The following FANCA variants were observed in gnomAD, a reference collection of about 807,000 sequenced individuals.
FANCA encodes FA complementation group A, also known as Fanconi anemia group A protein.
A neutral mutation model predicts 194.3 loss-of-function variants in FANCA; 236 were observed. The observed-to-expected ratio is 1.21, with a 90% CI of 1.09 to 1.35. The LOEUF is 1.35. Ranked by LOEUF, FANCA falls within the 40% of genes most tolerant of loss-of-function variation. The pLI is 0.00. For synonymous variants in FANCA, 1,014 were observed against 715.8 expected, an observed-to-expected ratio of 1.42 and a Z score of -6.65; for missense variants, 2,628 against 1,813.9, an observed-to-expected ratio of 1.45 and a Z score of -8.15.
chr16:89,746,481 T>C, intron 35 of FANCA, 103 bp downstream of exon 35: 1 of 922,270 alleles, frequency 1.1e-6, no homozygotes, highest in Non-Finnish European at 1.8e-6. Flanking sequence ...TTCCCTGAGA[T>C]GGTAACACCC....
intron 14 of FANCA, among the ~76,000 whole-genome samples, chr16:89,788,512 A>T (rs979709299): frequency 6.6e-6 from 1 of 152,024 alleles, no homozygotes; most frequent in African/African-American, 2.4e-5. Flanking sequence ...AAACTCATCT[A>T]ACTATCTGGA....
chr16:89,748,862 A>C (rs2038482532), intron 32 of FANCA, 95 bp from the exon 33 acceptor site: 1 of 1,000,354 alleles, frequency 1.0e-6, no homozygotes, highest in African/African-American at 1.6e-5. Flanking sequence ...CACCACCCTG[A>C]AACCCAGGGC....
intron 31 of FANCA, among the ~76,000 whole-genome samples, chr16:89,750,656 C>G (rs911578877): frequency 6.6e-6 from 1 of 151,926 alleles, no homozygotes; most frequent in African/African-American, 2.4e-5. Flanking sequence ...GCCTGTAATC[C>G]CAGCTAATCA....
Position 89,779,886 on chromosome 16 carries a change from G to A in FANCA, c.1698C>T (p.Val566=), listed in dbSNP as rs746982822. The stretch of plus-strand genomic sequence containing the variant: ...CAGCCTACCTGGCCTCCATGACGGT[G>A]ACTGGGATGTTCCCCGTATGCTCAA... ...MVFEHTGNIP[V]TVMEASIFRR... The change falls in exon 18 of 43, where the codon GTC becomes GTT. Residue 566 remains valine (V), a synonymous_variant. Transcript: ENST00000389301. 1.2e-6 allele frequency: 2 copies of A among 1,613,898 alleles called. No homozygotes were observed. Among genetic ancestry groups the A allele is most frequent in the Non-Finnish European group, 8.5e-7 (1 of 1,180,028 alleles).
rs774795027 is a variant in FANCA, at chr16:89,769,841, G to C, written c.2500C>G (p.Leu834Val). The change falls in exon 26 of 43, where the codon CTG becomes GTG. Residue 834 changes from leucine (L) to valine (V), a missense_variant. By Grantham distance (32) the Leu-to-Val change is conservative. Transcript: ENST00000389301. The stretch of plus-strand genomic sequence containing the variant: ...GACTGTGGAAGAAGAGCTCACTTCA[G>C]GCAGAAGAACAAGGAATCCCTCGTC... ...CRTRDSLFFCLKFCTAAISYS... is the reference protein window; with the variant it reads ...CRTRDSLFFCVKFCTAAISYS... The C allele has an allele frequency of 1.9e-6, 3 of 1,613,952 alleles. No individual in the cohort carries two copies. The highest frequency in any genetic ancestry group is 4.5e-5 in the East Asian group (2 of 44,884).
intron 6 of FANCA, among the ~76,000 whole-genome samples, chr16:89,807,476 G>A (rs998870771): frequency 1.3e-5 from 2 of 151,744 alleles, no homozygotes; most frequent in African/African-American, 4.8e-5. Context: ...AAGGCCGCGC[G>A]AGGTGGCTCA....
Position 89,750,616 on chromosome 16 carries a change from T to C in FANCA, c.3067-714A>G, listed in dbSNP as rs1004566190. On this transcript the variant is annotated intron_variant, in intron 31 of 42. Transcript: ENST00000389301. ...CCAGCCTGGCCAACAAAATTAGCCA[T>C]ACAAAAATTAGCTGGGTGTGGTGGC... Among the ~76,000 whole-genome samples, 5 of 146,684 alleles carry C rather than the reference T, an allele frequency of 3.4e-5. No homozygotes were observed. The South Asian group carries it at 8.6e-4, about 25-fold the overall frequency.
Position 89,771,155 on chromosome 16 carries a change from C to CAAAAAAAAAAAAAAAAAAAAAAAAAA in FANCA, c.2151+522_2152-521insTTTTTTTTTTTTTTTTTTTTTTTTTT, listed in dbSNP as rs34471552. ...GCCTGGGCAACAGAGAAGACTCAGT[C>CAAAAAAAAAAAAAAAAAAAAAAAAAA]AAAAAAAAAAAAAAAAAAAGAGGCC... On this transcript the variant is annotated intron_variant, in intron 23 of 42. Transcript: ENST00000389301. Among the ~76,000 whole-genome samples, 33 of 56,636 alleles carry CAAAAAAAAAAAAAAAAAAAAAAAAAA rather than the reference C, an allele frequency of 5.8e-4. 2 individuals carry two copies. The highest frequency in any genetic ancestry group is 2.3e-3 in the African/African-American group (31 of 13,730). 37.2% of individuals were successfully genotyped at this position (56,636 alleles called of 152,430 possible).
At chr16:89,810,669 GGA>G (rs1405366712) in intron 5 of FANCA, 36 bp downstream of exon 5, 2 of 1,320,816 alleles carry the variant, frequency 1.5e-6, no homozygotes, top group East Asian at 4.6e-5. Context: ...AACATTGCCT[GGA>G]ACACTGGAGA....
chr16:89,742,158 G>A (rs536784779), intron 37 of FANCA, among the ~76,000 whole-genome samples: 2 of 152,092 alleles, frequency 1.3e-5, no homozygotes, highest in Admixed American at 1.3e-4. Flanking sequence ...TGTGTTTTTA[G>A]TAGAGACAGG....
intron 1 of FANCA, 58 bp downstream of exon 1, chr16:89,816,479 G>C: frequency 7.1e-7 from 1 of 1,409,540 alleles, no homozygotes; most frequent in Non-Finnish European, 9.3e-7. Context: ...TCGGGGAACC[G>C]GCGAAACCGT....
chr16:89,758,415 G>A (rs977858041), intron 30 of FANCA, among the ~76,000 whole-genome samples, 162 bp downstream of exon 30: 1 of 152,184 alleles, frequency 6.6e-6, no homozygotes, highest in Non-Finnish European at 1.5e-5. Flanking sequence ...GTGTGTCTGT[G>A]AGGGTGTTGC....
At chr16:89,783,623 T>C (rs968850912) in intron 15 of FANCA, among the ~76,000 whole-genome samples, 7 of 150,924 alleles carry the variant, frequency 4.6e-5, no homozygotes, top group Non-Finnish European at 7.4e-5. Context: ...GAAACCCTAA[T>C]GTAGCTGGTC....
chr16:89,765,063 G>A lies in FANCA; in HGVS notation c.2605C>T (p.Gln869Ter), dbSNP rs1286812517. 2.5e-6 allele frequency: 4 copies of A among 1,614,090 alleles called. No individual in the cohort carries two copies. The stretch of plus-strand genomic sequence containing the variant: ...GAGAACAATCTGAACATGAGGAACT[G>A]AAACTGAAACAGAGAGTGACCCGGC... ...CLSPGLIKKF[Q>*]FLMFRLFSEA... is the part of the protein sequence containing the mutation. The change falls in exon 28 of 43, where the codon CAG (glutamine) becomes TAG (stop). Residue 869 changes from glutamine to a stop codon, truncating the protein, a stop_gained. Coordinates refer to ENST00000389301, the MANE Select transcript of FANCA (RefSeq NM_000135.4). LOFTEE classifies it high-confidence loss of function.
intron 10 of FANCA, among the ~76,000 whole-genome samples, chr16:89,796,244 G>A (rs2040241632): frequency 6.6e-6 from 1 of 152,182 alleles, no homozygotes. Context: ...GAGAAGCGAA[G>A]GAGCAGAAGG....
chr16:89,768,930 G>A (rs2039222917), intron 26 of FANCA, among the ~76,000 whole-genome samples: 1 of 152,100 alleles, frequency 6.6e-6, no homozygotes, highest in Non-Finnish European at 1.5e-5. Context: ...TCAGTGTTTG[G>A]GGCCTGGGGT....
At chr16:89,767,058 G>T in intron 27 of FANCA, 83 bp downstream of exon 27, 1 of 1,110,952 alleles carries the variant, frequency 9.0e-7, no homozygotes, top group Non-Finnish European at 1.4e-6. Flanking sequence ...CAAAGCGGCA[G>T]CAGACCTCGG....
At chr16:89,759,318 T>TAAAAAAAAAAAAAAAAAAAAAAAAAAAA (rs71137673) in intron 29 of FANCA, among the ~76,000 whole-genome samples, 4 of 75,206 alleles carry the variant, frequency 5.3e-5, no homozygotes, top group Admixed American at 1.6e-4. Context: ...AGACTCCGTC[T>TAAAAAAAAAAAAAAAAAAAAAAAAAAAA]AAAAAAAAAA....
intron 8 of FANCA, among the ~76,000 whole-genome samples, chr16:89,801,155 C>T (rs1222981054): frequency 3.3e-5 from 5 of 151,730 alleles, no homozygotes; most frequent in African/African-American, 1.2e-4. Context: ...ACCAGCCTGA[C>T]CAACACTGTG....
Sources: gnomAD v4.1 joint callset for allele counts (sites outside exome capture counted in the v4.1 genomes callset) on GRCh38, gnomAD v4.1.1 for gene constraint, MANE v1.5 for transcripts, NCBI Gene and HGNC (gene_info 2026-07-23, HGNC 2026-07-21) for gene names.